The following BMP6 variants were observed in gnomAD, a reference collection of about 807,000 sequenced individuals.
BMP6 encodes bone morphogenetic protein 6, also known as VG-1-R.
In BMP6, 17 loss-of-function variants were observed where a neutral mutation model predicts 54.1. That is an observed-to-expected ratio of 0.31 (90% confidence interval 0.22 to 0.47). The LOEUF (loss-of-function observed/expected upper bound fraction) is 0.47. Ranked by LOEUF, BMP6 falls within the 20% of genes least tolerant of loss-of-function variation. BMP6 has a pLI of 1.00. For missense variants in BMP6, 720 were observed against 690.4 expected, an observed-to-expected ratio of 1.04 and a Z score of -0.48; for synonymous variants, 328 against 291.2, an observed-to-expected ratio of 1.13 and a Z score of -1.28.
Position 7,874,419 on chromosome 6 carries a change from T to A in BMP6, c.1205-4655T>A, listed in dbSNP as rs191541724. 2.1e-4 allele frequency among the ~76,000 whole-genome samples: 32 copies of A among 152,294 alleles called. 1 individual carries two copies. The highest frequency in any genetic ancestry group is 5.2e-4 in the Admixed American group (8 of 15,304). ...AATTCTCTCACCCCAGATGGCCTCA[T>A]GCCTCACTCCCAAGGCTCCTCTTTT... is the stretch of plus-strand genomic sequence containing the variant. On this transcript the variant is annotated intron_variant, in intron 4 of 6. Transcript: ENST00000283147.
intron 2 of BMP6, among the ~76,000 whole-genome samples, chr6:7,858,236 A>G (rs191062862): frequency 1.8e-3 from 273 of 152,220 alleles, no homozygotes; most frequent in Non-Finnish European, 2.9e-3. Context: ...GGAGTACACT[A>G]TCATGCCTGG....
At chr6:7,740,570 C>T (rs756091385) in intron 1 of BMP6, among the ~76,000 whole-genome samples, 14 of 152,140 alleles carry the variant, frequency 9.2e-5, no homozygotes, top group South Asian at 8.3e-4. Flanking sequence ...TCTGTACTCT[C>T]ATTGCAAGCT....
chr6:7,878,137 G>A lies in BMP6; in HGVS notation c.1205-937G>A, dbSNP rs1759651135. ...CTGTCCCTTCTCTGAAGGGACATTT[G>A]CCTATGGCCCTTGCCTGTGTGATAT... is the stretch of plus-strand genomic sequence containing the variant. On this transcript the variant is annotated intron_variant, in intron 4 of 6. Coordinates refer to ENST00000283147, the MANE Select transcript of BMP6 (RefSeq NM_001718.6). 1.3e-5 allele frequency among the ~76,000 whole-genome samples: 2 copies of A among 152,088 alleles called. 1 individual carries two copies. The highest frequency in any genetic ancestry group is 4.1e-4 in the South Asian group (2 of 4,820).
At chr6:7,874,384 C>T (rs1005515900) in intron 4 of BMP6, among the ~76,000 whole-genome samples, 6 of 152,180 alleles carry the variant, frequency 3.9e-5, no homozygotes, top group African/African-American at 1.4e-4. Flanking sequence ...TTGTCATTCC[C>T]ACTCTAGGAA....
chr6:7,771,809 T>C (rs1013391492), intron 1 of BMP6, among the ~76,000 whole-genome samples: 3 of 152,056 alleles, frequency 2.0e-5, no homozygotes, highest in African/African-American at 4.8e-5. Flanking sequence ...TCCCAGCACT[T>C]TGGGAGGCCG....
At chr6:7,770,380 T>C (rs923070595) in intron 1 of BMP6, among the ~76,000 whole-genome samples, 2 of 152,212 alleles carry the variant, frequency 1.3e-5, no homozygotes, top group African/African-American at 4.8e-5. Flanking sequence ...CCTTAAGGAA[T>C]GACTGGAACC....
chr6:7,792,390 A>G (rs938118678), intron 1 of BMP6, among the ~76,000 whole-genome samples: 5 of 152,196 alleles, frequency 3.3e-5, no homozygotes, highest in Admixed American at 2.6e-4. Flanking sequence ...TGACCCTCAC[A>G]GTTCTCCCTC....
At chr6:7,867,453 T>TA (rs1554126066) in intron 4 of BMP6, among the ~76,000 whole-genome samples, 1 of 152,228 alleles carries the variant, frequency 6.6e-6, no homozygotes, top group Non-Finnish European at 1.5e-5. Context: ...CAGTCCAGAC[T>TA]GGGGGTCTCA....
chr6:7,756,431 A>G (rs966674495), intron 1 of BMP6, among the ~76,000 whole-genome samples: 3 of 152,084 alleles, frequency 2.0e-5, no homozygotes, highest in African/African-American at 2.4e-5. Flanking sequence ...TATAATACCA[A>G]TTGTAAGGTC....
chr6:7,772,543 G>C (rs1263723811), intron 1 of BMP6, among the ~76,000 whole-genome samples: 1 of 152,178 alleles, frequency 6.6e-6, no homozygotes, highest in Non-Finnish European at 1.5e-5. Context: ...TTTACAGTGA[G>C]AATGACAACT....
chr6:7,741,842 G>C (rs137876169), intron 1 of BMP6, among the ~76,000 whole-genome samples: 2 of 152,332 alleles, frequency 1.3e-5, no homozygotes, highest in African/African-American at 2.4e-5. Context: ...CCCCTCAGCT[G>C]TGGGATTTGG....
intron 2 of BMP6, among the ~76,000 whole-genome samples, chr6:7,859,429 T>G (rs1017606556): frequency 2.0e-5 from 3 of 151,942 alleles, no homozygotes; most frequent in African/African-American, 7.3e-5. Flanking sequence ...GAGGGCAGCC[T>G]TACCCCCGAG....
At chr6:7,821,029 A>G (rs1037873017) in intron 1 of BMP6, among the ~76,000 whole-genome samples, 17 of 152,344 alleles carry the variant, frequency 1.1e-4, no homozygotes, top group African/African-American at 3.8e-4. Context: ...CCCAATCCCT[A>G]ACAGGGCACA....
Position 7,812,103 on chromosome 6 carries a change from G to T in BMP6, c.665-33037G>T, listed in dbSNP as rs145565195. ...GCTGTTTTGGGTTAGGGTTGAGTTA[G>T]ATCAAGGCTTGTACATTTTATATAC... On this transcript the variant is annotated intron_variant, in intron 1 of 6. Coordinates refer to ENST00000283147, the MANE Select transcript of BMP6 (RefSeq NM_001718.6). Among the ~76,000 whole-genome samples the T allele has an allele frequency of 6.1e-3, 927 of 151,654 alleles. 3 individuals carry two copies. The highest frequency in any genetic ancestry group is 8.7e-3 in the Non-Finnish European group (590 of 67,562).
chr6:7,783,689 G>A lies in BMP6; in HGVS notation c.664+56070G>A, dbSNP rs192655213. ...CCCTCCTTTCTCTTGTTCACAGCCCGAGATTATGTACATATTGTTTTCTGA... is the reference window on the plus strand; with the variant it reads ...CCCTCCTTTCTCTTGTTCACAGCCCAAGATTATGTACATATTGTTTTCTGA... On this transcript the variant is annotated intron_variant, in intron 1 of 6. Coordinates refer to ENST00000283147, the MANE Select transcript of BMP6 (RefSeq NM_001718.6). Among the ~76,000 whole-genome samples, 201 of 152,318 alleles carry A rather than the reference G, an allele frequency of 1.3e-3. 1 individual carries two copies. The highest frequency in any genetic ancestry group is 2.2e-3 in the Non-Finnish European group (151 of 68,024).
chr6:7,734,075 T>C (rs1261825356), intron 1 of BMP6, among the ~76,000 whole-genome samples: 3 of 152,158 alleles, frequency 2.0e-5, no homozygotes, highest in African/African-American at 7.2e-5. Flanking sequence ...TTGTCTATAC[T>C]TTTTTTCCAA....
Position 7,821,588 on chromosome 6 carries a change from T to C in BMP6, c.665-23552T>C, listed in dbSNP as rs1040155160. Among the ~76,000 whole-genome samples the C allele has an allele frequency of 6.6e-5, 10 of 152,230 alleles. No individual in the cohort carries two copies. In the East Asian group the frequency reaches 1.5e-3, roughly 23 times the overall value. ...GTAGGCATCATAGTGTAATGATGAC[T>C]GTGTGGGTTTGGGATCATGTCCCAG... On this transcript the variant is annotated intron_variant, in intron 1 of 6. Transcript: ENST00000283147.
rs528145839 is a variant in BMP6, at chr6:7,878,594, A to G, written c.1205-480A>G. Among the ~76,000 whole-genome samples, 8 of 151,810 alleles carry G rather than the reference A, an allele frequency of 5.3e-5. No homozygotes were observed. In the East Asian group the frequency reaches 1.6e-3, roughly 30 times the overall value. Reference sequence around the variant, plus strand: ...TTCCTGGGCCTCCTGGTTTGGCCCCACTCCACCATTACTCTTCCTTCAGGA... The same window carrying G: ...TTCCTGGGCCTCCTGGTTTGGCCCCGCTCCACCATTACTCTTCCTTCAGGA... On this transcript the variant is annotated intron_variant, in intron 4 of 6. Transcript: ENST00000283147.
chr6:7,728,263 A>G (rs1010375212), intron 1 of BMP6, among the ~76,000 whole-genome samples: 12 of 152,220 alleles, frequency 7.9e-5, no homozygotes, highest in Non-Finnish European at 1.6e-4. Context: ...TGAAAGCTCA[A>G]CTGGGGTAAT....
Sources: gnomAD v4.1 joint callset for allele counts (sites outside exome capture counted in the v4.1 genomes callset) on GRCh38, gnomAD v4.1.1 for gene constraint, MANE v1.5 for transcripts, NCBI Gene and HGNC (gene_info 2026-07-23, HGNC 2026-07-21) for gene names.